The following FNDC3B variants were observed in gnomAD, a reference collection of about 807,000 sequenced individuals.
FNDC3B encodes fibronectin type III domain containing 3B.
FNDC3B carries 12 observed loss-of-function variants against 151.5 expected under a neutral mutation model. The observed-to-expected ratio is 0.08, with a 90% CI of 0.05 to 0.13. The LOEUF (loss-of-function observed/expected upper bound fraction) is 0.13. FNDC3B is among the 10% of genes least tolerant of loss of function. The pLI, the probability that FNDC3B is intolerant of heterozygous loss-of-function variation, is 1.00. For synonymous variants in FNDC3B, 528 were observed against 549.0 expected (o/e 0.96, Z 0.54); for missense variants, 1,214 against 1,505.3 (o/e 0.81, Z 3.20).
chr3:172,269,181 AC>A (rs1174441779), intron 6 of FNDC3B, among the ~76,000 whole-genome samples: 2 of 152,222 alleles, frequency 1.3e-5, no homozygotes, highest in Non-Finnish European at 2.9e-5. Flanking sequence ...ACAACTTCAG[AC>A]TACAAAGAAA....
intron 1 of FNDC3B, among the ~76,000 whole-genome samples, chr3:172,054,434 G>C (rs1716814857): frequency 1.3e-5 from 2 of 152,216 alleles, no homozygotes. Flanking sequence ...GTTCACTGAA[G>C]GTGAGTTAAG....
chr3:172,200,277 C>A (rs139936841), intron 3 of FNDC3B, among the ~76,000 whole-genome samples: 1 of 152,184 alleles, frequency 6.6e-6, no homozygotes, highest in Non-Finnish European at 1.5e-5. Flanking sequence ...GAGAAGAGAA[C>A]GGGGAAACTC....
chr3:172,105,619 TAAAA>T (rs537392799), intron 1 of FNDC3B, among the ~76,000 whole-genome samples: 14 of 127,222 alleles, frequency 1.1e-4, no homozygotes, highest in South Asian at 2.6e-4. Flanking sequence ...ATTGTTTTCT[TAAAA>T]AAAAAAAAAA....
intron 25 of FNDC3B, among the ~76,000 whole-genome samples, chr3:172,394,407 A>G (rs540104630): frequency 4.6e-5 from 7 of 152,162 alleles, no homozygotes; most frequent in Non-Finnish European, 8.8e-5. Flanking sequence ...AAGACACAAA[A>G]TCAGAAAAAA....
At chr3:172,206,527 C>G (rs75287359) in intron 3 of FNDC3B, among the ~76,000 whole-genome samples, 1 of 151,668 alleles carries the variant, frequency 6.6e-6, no homozygotes, top group South Asian at 2.1e-4. Context: ...GGGGTGGTGG[C>G]GGGCGCCTGT....
At chr3:172,296,844 T>A (rs1730638114) in intron 8 of FNDC3B, among the ~76,000 whole-genome samples, 1 of 152,104 alleles carries the variant, frequency 6.6e-6, no homozygotes. Context: ...ATGAGACCTG[T>A]GGATATGCAG....
At chr3:172,228,958 C>T (rs1387229430) in intron 4 of FNDC3B, among the ~76,000 whole-genome samples, 1 of 152,108 alleles carries the variant, frequency 6.6e-6, no homozygotes, top group Non-Finnish European at 1.5e-5. Context: ...TTCTTTAACG[C>T]TGGCAGTACA....
At chr3:172,261,242 G>A (rs1404152902) in intron 6 of FNDC3B, among the ~76,000 whole-genome samples, 1 of 152,192 alleles carries the variant, frequency 6.6e-6, no homozygotes, top group African/African-American at 2.4e-5. Flanking sequence ...TACCAGGTAT[G>A]TCGAGGTGGA....
intron 16 of FNDC3B, among the ~76,000 whole-genome samples, chr3:172,340,828 A>G (rs1733271126): frequency 6.6e-6 from 1 of 152,086 alleles, no homozygotes; most frequent in Non-Finnish European, 1.5e-5. Context: ...CACTCCCTCC[A>G]TGCCAGCGGC....
chr3:172,348,554 A>G (rs1487393438), intron 21 of FNDC3B, among the ~76,000 whole-genome samples: 2 of 152,188 alleles, frequency 1.3e-5, no homozygotes, highest in Non-Finnish European at 1.5e-5. Flanking sequence ...CCAAGGCAGG[A>G]TATAAATAAA....
chr3:172,099,915 G>A (rs532844321), intron 1 of FNDC3B, among the ~76,000 whole-genome samples: 34 of 152,066 alleles, frequency 2.2e-4, no homozygotes, highest in Non-Finnish European at 4.6e-4. Flanking sequence ...TCAAAGTGTC[G>A]TCTGGGAGAC....
chr3:172,070,408 TTC>T (rs1717710586), intron 1 of FNDC3B, among the ~76,000 whole-genome samples: 1 of 152,220 alleles, frequency 6.6e-6, no homozygotes, highest in African/African-American at 2.4e-5. Context: ...CCCTGTGGTT[TTC>T]TTTCTCTGGA....
chr3:172,060,683 G>A (rs763786536), intron 1 of FNDC3B, among the ~76,000 whole-genome samples: 4 of 152,128 alleles, frequency 2.6e-5, no homozygotes, highest in African/African-American at 4.8e-5. Context: ...GGCAGAGACC[G>A]ACACTTTCCT....
At chr3:172,070,655 C>A (rs1247029007) in intron 1 of FNDC3B, among the ~76,000 whole-genome samples, 1 of 152,178 alleles carries the variant, frequency 6.6e-6, no homozygotes, top group Non-Finnish European at 1.5e-5. Flanking sequence ...TTACACTTTT[C>A]TTAGATGAGC....
intron 11 of FNDC3B, among the ~76,000 whole-genome samples, chr3:172,311,717 A>T (rs992242301): frequency 1.3e-5 from 2 of 151,506 alleles, no homozygotes; most frequent in African/African-American, 4.8e-5. Flanking sequence ...ATACAAAAAA[A>T]AAAAAAAAAA....
At position 172,251,367 on chromosome 3, in the gene FNDC3B, C is replaced by T. The variant is rs1458613948; in HGVS notation, c.616C>T (p.Leu206Phe). The T allele has an allele frequency of 1.9e-6, 3 of 1,614,032 alleles. No individual in the cohort carries two copies. Among genetic ancestry groups the T allele is most frequent in the Non-Finnish European group, 2.5e-6 (3 of 1,180,024 alleles). ...KDRQIDRQNR[L>F]NSPPSSIYKS... ...CCGCCAGATCGATCGCCAGAACCGC[C>T]TCAACAGCCCTCCTTCTTCTATCTA... is the stretch of plus-strand genomic sequence containing the variant. Residue 206 changes from leucine to phenylalanine, a missense_variant, in exon 6 of 26, where the codon CTC becomes TTC. Transcript: ENST00000415807.
chr3:172,293,742 T>C (rs1226255119), intron 7 of FNDC3B, among the ~76,000 whole-genome samples: 1 of 152,240 alleles, frequency 6.6e-6, no homozygotes, highest in African/African-American at 2.4e-5. Flanking sequence ...CATGATATTC[T>C]ATTTATATGG....
intron 7 of FNDC3B, 69 bp downstream of exon 7, chr3:172,286,053 TTC>T: frequency 8.8e-7 from 1 of 1,140,240 alleles, no homozygotes; most frequent in Non-Finnish European, 1.3e-6. Context: ...TTTTTTTTTT[TTC>T]CACCACACAG....
chr3:172,237,787 G>A (rs1161963905), intron 4 of FNDC3B, among the ~76,000 whole-genome samples: 1 of 152,204 alleles, frequency 6.6e-6, no homozygotes, highest in Non-Finnish European at 1.5e-5. Flanking sequence ...AACTGTTTGA[G>A]ACAGACAATT....
Sources: allele counts gnomAD v4.1 joint callset (sites outside exome capture counted in the v4.1 genomes callset), GRCh38; gene constraint gnomAD v4.1.1; transcripts MANE v1.5; gene names NCBI Gene and HGNC (gene_info 2026-07-23, HGNC 2026-07-21).